JPH4: variants seen among roughly 807,000 people sequenced by gnomAD.
JPH4 encodes the protein junctophilin-4.
JPH4 carries 18 observed loss-of-function variants against 57.6 expected under a neutral mutation model. That is an observed-to-expected ratio of 0.31 (90% CI 0.22 to 0.46). JPH4 has a LOEUF of 0.46. Among genes scored for constraint, JPH4 ranks in the 20% least tolerant of loss-of-function variants. The pLI, the probability that JPH4 is intolerant of heterozygous loss-of-function variation, is 1.00. For synonymous variants in JPH4, 425 were observed against 406.6 expected (o/e 1.05, Z -0.54); for missense variants, 727 against 911.1 (o/e 0.80, Z 2.60).
At position 23,569,510 on chromosome 14, in the gene JPH4, A is replaced by G; in HGVS notation, c.*124T>C. On this transcript the variant is annotated 3_prime_UTR_variant, in exon 6 of 6. Transcript: ENST00000356300. The surrounding 1 kb of genome is among the most constrained non-coding windows in gnomAD (Gnocchi z 4.8). The stretch of plus-strand genomic sequence containing the variant: ...GAGAAAAAAACAAAGGAGCACAGAA[A>G]AGAAAGGAAGAAGAGAAAGAAAGAT... 2.8e-6 allele frequency: 2 copies of G among 712,764 alleles called. No individual in the cohort carries two copies. The highest frequency in any genetic ancestry group is 2.7e-5 in the East Asian group (1 of 37,070). 44.2% of individuals were successfully genotyped at this position (712,764 alleles called of 1,614,324 possible).
At position 23,575,618 on chromosome 14, in the gene JPH4, C is replaced by G; in HGVS notation, c.1151+67G>C. ...GCCTTGGGCCTCCCTTAGGCACACCCGCCTTCCTGGTCCCCAGCGCACCCC... is the reference window on the plus strand; with the variant it reads ...GCCTTGGGCCTCCCTTAGGCACACCGGCCTTCCTGGTCCCCAGCGCACCCC... On this transcript the variant is annotated intron_variant, in intron 3 of 5. Transcript: ENST00000356300. This position sits in a 1 kb window ranked among gnomAD's most constrained non-coding sequence, Gnocchi z 6.9. 1 of 1,542,704 alleles carries G rather than the reference C, an allele frequency of 6.5e-7. No homozygotes were observed. The highest frequency in any genetic ancestry group is 8.7e-7 in the Non-Finnish European group (1 of 1,147,412).
rs1052892562 is a variant in JPH4, at chr14:23,575,358, G to A, written c.1151+327C>T. 4.7e-6 allele frequency: 2 copies of A among 426,972 alleles called. No individual in the cohort carries two copies. Among genetic ancestry groups the A allele is most frequent in the Non-Finnish European group, 8.5e-6 (2 of 235,774 alleles). 26.4% of individuals were successfully genotyped at this position (426,972 alleles called of 1,614,324 possible). On this transcript the variant is annotated intron_variant, in intron 3 of 5. Coordinates refer to ENST00000356300, the MANE Select transcript of JPH4 (RefSeq NM_001146028.2). The surrounding 1 kb of genome is among the most constrained non-coding windows in gnomAD (Gnocchi z 6.9). ...TGTTTTGAGTTCCAAGAGATTTCTG[G>A]GCCTGCACAAAACAGCTTCCTTGCT...
chr14:23,571,717 G>T lies in JPH4; in HGVS notation c.1270+85C>A. The T allele has an allele frequency of 7.7e-7, 1 of 1,297,974 alleles. No individual in the cohort carries two copies. Among genetic ancestry groups the T allele is most frequent in the Non-Finnish European group, 1.1e-6 (1 of 916,270 alleles). 80.4% of individuals were successfully genotyped at this position (1,297,974 alleles called of 1,614,324 possible). A position where few individuals can be genotyped will look rare whatever the true frequency, so the allele number is the denominator to read the frequency against. ...TTTTCCCATCCCCACTTCCCTTGCA[G>T]GGCTTCTCATCTGTTTCCCCACACC... On this transcript the variant is annotated intron_variant, in intron 4 of 5. Transcript: ENST00000356300. The surrounding 1 kb of genome is among the most constrained non-coding windows in gnomAD (Gnocchi z 4.6).
In JPH4 at chr14:23,571,035, G is replaced by C; in HGVS notation, c.1696C>G (p.Pro566Ala). The change falls in exon 5 of 6, where the codon CCC (proline) becomes GCC (alanine). Residue 566 changes from proline to alanine, a missense_variant. Pro to Ala is a conservative substitution (Grantham distance 27). Coordinates refer to ENST00000356300, the MANE Select transcript of JPH4 (RefSeq NM_001146028.2). This position sits in a 1 kb window ranked among gnomAD's most constrained non-coding sequence, Gnocchi z 4.6. ...CCCCTCAGGACCAGCATGGCGATGG[G>C]CTCAGGCTCCGTGCCTGCTGGGGCC... Reference protein sequence around the residue: ...LRAPAGTEPEPIAMLVLRGSS... With the variant: ...LRAPAGTEPEAIAMLVLRGSS... The C allele has an allele frequency of 6.2e-7, 1 of 1,602,420 alleles. No homozygotes were observed. The highest frequency in any genetic ancestry group is 1.1e-5 in the South Asian group (1 of 88,754).
Position 23,571,444 on chromosome 14 carries a change from C to T in JPH4, c.1287G>A (p.Gln429=). 6.3e-7 allele frequency: 1 copy of T among 1,599,084 alleles called. No homozygotes were observed. The highest frequency in any genetic ancestry group is 2.2e-5 in the East Asian group (1 of 44,876). The change falls in exon 5 of 6, where the codon CAG becomes CAA. Residue 429 remains glutamine (Q), a synonymous_variant. Transcript: ENST00000356300. This position sits in a 1 kb window ranked among gnomAD's most constrained non-coding sequence, Gnocchi z 4.6. ...GCTCCGTGTCGGAACCTTCTGAGTC[C>T]TGCCTGGGTCTGCGGCCTGGGTAGG... ...MLEAPGRRPR[Q]DSEGSDTEPL...
Position 23,575,548 on chromosome 14 carries a change from CA to C in JPH4, c.1151+136del. 1 of 1,144,498 alleles carries C rather than the reference CA, an allele frequency of 8.7e-7. No individual in the cohort carries two copies. The highest frequency in any genetic ancestry group is 1.5e-5 in the South Asian group (1 of 68,680). 70.9% of individuals were successfully genotyped at this position (1,144,498 alleles called of 1,614,324 possible). On this transcript the variant is annotated intron_variant, in intron 3 of 5. Transcript: ENST00000356300. This position sits in a 1 kb window ranked among gnomAD's most constrained non-coding sequence, Gnocchi z 6.9. ...TAAACACCAAGAATGCCCAGGGGTC[CA>C]ACTGCCTGGCCTTAGGCTTGCAATA...
At position 23,576,131 on chromosome 14, in the gene JPH4, G is replaced by A. The variant is rs1889267357; in HGVS notation, c.705C>T (p.Ser235=). ...LSGLRAGGRR[S]SLGSKRGSLR... Reference sequence around the variant, plus strand: ...GGGAGCCTCGCTTGCTGCCCAGGGAGCTGCGACGTCCGCCCGCTCGGAGCC... The same window carrying A: ...GGGAGCCTCGCTTGCTGCCCAGGGAACTGCGACGTCCGCCCGCTCGGAGCC... Residue 235 remains serine, a synonymous_variant, in exon 3 of 6, where the codon AGC becomes AGT. Transcript: ENST00000356300. The surrounding 1 kb of genome is among the most constrained non-coding windows in gnomAD (Gnocchi z 8.0). 1 of 1,311,410 alleles carries A rather than the reference G, an allele frequency of 7.6e-7. No individual in the cohort carries two copies. Among genetic ancestry groups the A allele is most frequent in the South Asian group, 2.1e-5 (1 of 47,232 alleles). 81.2% of individuals were successfully genotyped at this position (1,311,410 alleles called of 1,614,324 possible).
intron 3 of JPH4, among the ~76,000 whole-genome samples, chr14:23,574,003 A>G (rs1056179725): frequency 6.6e-6 from 1 of 151,858 alleles, no homozygotes; most frequent in Non-Finnish European, 1.5e-5. Flanking sequence ...ATACAAACTC[A>G]TTTAAGCATA....
At position 23,577,378 on chromosome 14, in the gene JPH4, C is replaced by T; in HGVS notation, c.76G>A (p.Gly26Ser). 6.7e-7 allele frequency: 1 copy of T among 1,497,222 alleles called. No individual in the cohort carries two copies. Among genetic ancestry groups the T allele is most frequent in the Non-Finnish European group, 8.9e-7 (1 of 1,125,576 alleles). 92.7% of individuals were successfully genotyped at this position (1,497,222 alleles called of 1,614,324 possible). ...CCGGGGCCCGTGCACACGCCGTAGC[C>T]ATGTGCCCGCCCCGCCTCCCAGCCC... ...VGGWEAGRAH[G>S]YGVCTGPGAQ... Residue 26 changes from glycine to serine, a missense_variant, in exon 2 of 6, where the codon GGC (glycine) becomes AGC (serine). Physicochemically the swap from Gly to Ser is moderately conservative, Grantham distance 56. Coordinates refer to ENST00000356300, the MANE Select transcript of JPH4 (RefSeq NM_001146028.2). This position sits in a 1 kb window ranked among gnomAD's most constrained non-coding sequence, Gnocchi z 8.4.
At position 23,575,708 on chromosome 14, in the gene JPH4, C is replaced by G; in HGVS notation, c.1128G>C (p.Gln376His). 2 of 1,606,416 alleles carry G rather than the reference C, an allele frequency of 1.2e-6. No homozygotes were observed. Among genetic ancestry groups the G allele is most frequent in the Non-Finnish European group, 1.7e-6 (2 of 1,177,462 alleles). ...ACCTGGCAGCGGCGATCTCCTGGCG[C>G]TGACGGGCAGCACTCACGGCTCGAC... The part of the protein sequence containing the change: ...GARRAVSAAR[Q>H]RQEIAAARAA... Residue 376 changes from glutamine to histidine, a missense_variant, in exon 3 of 6, where the codon CAG (glutamine) becomes CAC (histidine). Gln to His is a conservative substitution (Grantham distance 24). Around this residue, in one of 7 missense-constraint regions of JPH4, gnomAD observed 112 missense variants for 199.4 expected, o/e 0.56. Transcript: ENST00000356300. This position sits in a 1 kb window ranked among gnomAD's most constrained non-coding sequence, Gnocchi z 6.9.
At chr14:23,573,138 G>A in intron 3 of JPH4, 1 of 601,350 alleles carries the variant, frequency 1.7e-6, no homozygotes, top group Non-Finnish European at 3.0e-6. Context: ...TATGGGGGTG[G>A]GGAAGAGGAT....
chr14:23,571,766 G>T lies in JPH4; in HGVS notation c.1270+36C>A. The T allele has an allele frequency of 6.4e-7, 1 of 1,564,762 alleles. No homozygotes were observed. The highest frequency in any genetic ancestry group is 8.8e-7 in the Non-Finnish European group (1 of 1,139,572). ...CCTGAGCCTCTCTAGCTCCCTAGGG[G>T]CCTCACTGCCCTCCCCCCAGCTGTC... On this transcript the variant is annotated intron_variant, in intron 4 of 5. Transcript: ENST00000356300. The surrounding 1 kb of genome is among the most constrained non-coding windows in gnomAD (Gnocchi z 4.6).
intron 5 of JPH4, among the ~76,000 whole-genome samples, chr14:23,570,500 T>C (rs927122902): frequency 2.0e-5 from 3 of 151,518 alleles, no homozygotes; most frequent in African/African-American, 7.3e-5. Flanking sequence ...GCCTCCCAAG[T>C]AGCTGGGACT....
In JPH4 at chr14:23,575,578, G is replaced by A. The variant is rs1889249947; in HGVS notation, c.1151+107C>T. ...GCCTGGCCTTAGGCTTGCAATAGCA[G>A]GCCCTAGGCCTTGGGCCTTGGGCCT... On this transcript the variant is annotated intron_variant, in intron 3 of 5. Transcript: ENST00000356300. The surrounding 1 kb of genome is among the most constrained non-coding windows in gnomAD (Gnocchi z 6.9). The A allele has an allele frequency of 1.4e-6, 2 of 1,405,760 alleles. No individual in the cohort carries two copies. The highest frequency in any genetic ancestry group is 1.9e-6 in the Non-Finnish European group (2 of 1,036,814). The allele number at this position is 1,405,760 out of a possible 1,614,324, so 87.1% of individuals were successfully genotyped here. A position where few individuals can be genotyped will look rare whatever the true frequency, so the allele number is the denominator to read the frequency against.
intron 1 of JPH4, 106 bp downstream of exon 1, chr14:23,578,073 GT>G (rs1167652062): frequency 9.4e-6 from 1 of 105,910 alleles, no homozygotes. Flanking sequence ...TTTTCGGGGG[GT>G]TTTTCGGGGG....
Position 23,568,051 on chromosome 14 carries a change from T to C in JPH4, c.*1583A>G. 1 of 984,006 alleles carries C rather than the reference T, an allele frequency of 1.0e-6. No individual in the cohort carries two copies. Among genetic ancestry groups the C allele is most frequent in the Non-Finnish European group, 1.2e-6 (1 of 828,250 alleles). The allele number at this position is 984,006 out of a possible 1,614,324, so 61.0% of individuals were successfully genotyped here. A position where few individuals can be genotyped will look rare whatever the true frequency, so the allele number is the denominator to read the frequency against. Reference sequence around the variant, plus strand: ...CAATCCCCCCCCTTTTTTGAACTTTTTTATTAATATATTTTTTTTGTTAAA... The same window carrying C: ...CAATCCCCCCCCTTTTTTGAACTTTCTTATTAATATATTTTTTTTGTTAAA... On this transcript the variant is annotated 3_prime_UTR_variant, in exon 6 of 6. Coordinates refer to ENST00000356300, the MANE Select transcript of JPH4 (RefSeq NM_001146028.2).
Position 23,576,963 on chromosome 14 carries a change from G to C in JPH4, c.379+112C>G. On this transcript the variant is annotated intron_variant, in intron 2 of 5. Coordinates refer to ENST00000356300, the MANE Select transcript of JPH4 (RefSeq NM_001146028.2). The surrounding 1 kb of genome is among the most constrained non-coding windows in gnomAD (Gnocchi z 8.0). ...CTGGGGGTCACATCGATGGGGAATGGTGGCGGGGGAAAGAAGGATGGGCGC... is the reference window on the plus strand; with the variant it reads ...CTGGGGGTCACATCGATGGGGAATGCTGGCGGGGGAAAGAAGGATGGGCGC... The C allele has an allele frequency of 7.9e-7, 1 of 1,268,712 alleles. No homozygotes were observed. The highest frequency in any genetic ancestry group is 1.7e-5 in the South Asian group (1 of 59,556). The allele number at this position is 1,268,712 out of a possible 1,614,324, so 78.6% of individuals were successfully genotyped here.
Position 23,577,660 on chromosome 14 carries a change from G to A in JPH4, c.-171-36C>T. 1 of 426,204 alleles carries A rather than the reference G, an allele frequency of 2.3e-6. No homozygotes were observed. The highest frequency in any genetic ancestry group is 7.1e-5 in the South Asian group (1 of 14,076). The allele number at this position is 426,204 out of a possible 1,614,324, so 26.4% of individuals were successfully genotyped here. ...AGAGGGAGGGGGGCAAGTGGCGAGA[G>A]AGGCCCCTCCTCTTTGCCCGCCGCT... On this transcript the variant is annotated intron_variant, in intron 1 of 5. Coordinates refer to ENST00000356300, the MANE Select transcript of JPH4 (RefSeq NM_001146028.2). The surrounding 1 kb of genome is among the most constrained non-coding windows in gnomAD (Gnocchi z 8.4).
chr14:23,568,100 A>C lies in JPH4; in HGVS notation c.*1534T>G, dbSNP rs1278238840. On this transcript the variant is annotated 3_prime_UTR_variant, in exon 6 of 6. Transcript: ENST00000356300. ...AATTTCTTTGTATTTTTTTCCTGCA[A>C]GACTTGGTGTTGGCGGCACTGTTGT... 1 of 984,866 alleles carries C rather than the reference A, an allele frequency of 1.0e-6. No individual in the cohort carries two copies. Among genetic ancestry groups the C allele is most frequent in the African/African-American group, 1.7e-5 (1 of 57,160 alleles). 61.0% of individuals were successfully genotyped at this position (984,866 alleles called of 1,614,324 possible). A position where few individuals can be genotyped will look rare whatever the true frequency, so the allele number is the denominator to read the frequency against.
Sources: gnomAD v4.1 joint callset for allele counts (sites outside exome capture counted in the v4.1 genomes callset) on GRCh38, gnomAD v4.1.1 for gene constraint, gnomAD v4.1.1 regional missense constraint, Gnocchi (gnomAD v3.1) non-coding constraint, MANE v1.5 for transcripts, NCBI Gene and HGNC (gene_info 2026-07-23, HGNC 2026-07-21) for gene names.